Variants in TNC observed in about 807,000 individuals in gnomAD.
TNC encodes the protein tenascin.
In TNC, 109 loss-of-function variants were observed where a neutral mutation model predicts 202.4. The ratio of observed to expected loss-of-function variants is 0.54; its 90% CI spans 0.46 to 0.63. The LOEUF (loss-of-function observed/expected upper bound fraction) is 0.63, where lower values mean the gene tolerates loss of function less well. Among genes scored for constraint, TNC ranks in the 30% least tolerant of loss-of-function variants. TNC has a pLI of 0.00. For missense variants in TNC, 2,756 were observed against 2,833.3 expected (o/e 0.97, Z 0.62); for synonymous variants, 1,007 against 1,089.7 (o/e 0.92, Z 1.50).
chr9:115,040,831 A>G (rs1830673593), intron 19 of TNC, 110 bp downstream of exon 19: 1 of 1,373,930 alleles, frequency 7.3e-7, no homozygotes, highest in East Asian at 2.5e-5. Flanking sequence ...CTTTTTTTCC[A>G]GCTGCTGAGT....
At chr9:115,069,609 TCCC>T (rs1564466938) in intron 10 of TNC, among the ~76,000 whole-genome samples, 1,157 of 14,366 alleles carry the variant, frequency 0.081, 179 homozygotes, top group Non-Finnish European at 0.13. Context: ...CCTCCCTCCC[TCCC>T]TCCCTCTCTC....
chr9:115,023,401 C>A (rs1023572081), intron 27 of TNC, among the ~76,000 whole-genome samples: 1 of 152,000 alleles, frequency 6.6e-6, no homozygotes, highest in African/African-American at 2.4e-5. Context: ...TAAAAGGGAT[C>A]GAAAAAAATC....
At chr9:115,033,208 C>G (rs1830074115) in intron 22 of TNC, among the ~76,000 whole-genome samples, 1 of 152,128 alleles carries the variant, frequency 6.6e-6, no homozygotes, top group Admixed American at 6.6e-5. Context: ...CTCTTTTCTC[C>G]TATACCAGGT....
chr9:115,086,754 A>T lies in TNC; in HGVS notation c.977T>A (p.Ile326Asn), dbSNP rs767439318. ...TTCTTCGCAGTAGCAGGTGCCATTGATGCAGCGGCCCCGGTCGAAGCAGTC... is the reference window on the plus strand; with the variant it reads ...TTCTTCGCAGTAGCAGGTGCCATTGTTGCAGCGGCCCCGGTCGAAGCAGTC... Reference protein sequence around the residue: ...PNDCFDRGRCINGTCYCEEGF... With the variant: ...PNDCFDRGRCNNGTCYCEEGF... Residue 326 changes from isoleucine (I) to asparagine (N), a missense_variant, in exon 3 of 28, where the codon ATC (isoleucine) becomes AAC (asparagine). Ile to Asn is a moderately radical substitution (Grantham distance 149, BLOSUM62 -3). Around this residue, in one of 2 missense-constraint regions of TNC, gnomAD observed 2,559 missense variants for 2,546.0 expected, o/e 1.01. Coordinates refer to ENST00000350763, the MANE Select transcript of TNC (RefSeq NM_002160.4). 1 of 1,613,886 alleles carries T rather than the reference A, an allele frequency of 6.2e-7. No homozygotes were observed. The highest frequency in any genetic ancestry group is 8.5e-7 in the Non-Finnish European group (1 of 1,180,018).
At position 115,021,721 on chromosome 9, in the gene TNC, C is replaced by T. The variant is rs1306939490; in HGVS notation, c.6496-454G>A. Among the ~76,000 whole-genome samples the T allele has an allele frequency of 5.3e-5, 8 of 152,062 alleles. No homozygotes were observed. The East Asian group carries it at 5.8e-4, about 11-fold the overall frequency. On this transcript the variant is annotated intron_variant, in intron 27 of 27. Transcript: ENST00000350763. The stretch of plus-strand genomic sequence containing the variant: ...AGGGGTTTGGTATGGAATAGCAGAA[C>T]GAACAGCTCAACAAAACACAGTTTT...
chr9:115,035,522 G>T, intron 21 of TNC, 188 bp from the exon 22 acceptor site: 2 of 569,936 alleles, frequency 3.5e-6, no homozygotes, highest in Non-Finnish European at 6.0e-6. Context: ...ATTCTCTATG[G>T]TTTATCTCAT....
At chr9:115,103,435 T>C (rs1836385890) in intron 1 of TNC, among the ~76,000 whole-genome samples, 1 of 152,200 alleles carries the variant, frequency 6.6e-6, no homozygotes. Context: ...ATTACTTTTT[T>C]TTAAGTTCCC....
At chr9:115,106,427 G>A (rs2134178516) in intron 1 of TNC, among the ~76,000 whole-genome samples, 1 of 152,320 alleles carries the variant, frequency 6.6e-6, no homozygotes, top group East Asian at 1.9e-4. Context: ...CTATCAGAGA[G>A]AAACACAATA....
intron 10 of TNC, among the ~76,000 whole-genome samples, chr9:115,071,139 GCATGGTGATAGTATTT>G (rs2132958358): frequency 6.6e-6 from 1 of 152,276 alleles, no homozygotes; most frequent in African/African-American, 2.4e-5. Flanking sequence ...TTAGCACAGA[GCATGGTGATAGTATTT>G]TATTGACTGA....
chr9:115,030,608 T>A (rs1829874358), intron 23 of TNC, among the ~76,000 whole-genome samples: 1 of 152,210 alleles, frequency 6.6e-6, no homozygotes, highest in Non-Finnish European at 1.5e-5. Context: ...TCATAGCAGT[T>A]CTTTTTTCTG....
rs769735231 is a variant in TNC at position 115,026,613 on chromosome 9, A to T, written c.6252T>A (p.Phe2084Leu). Residue 2084 changes from phenylalanine to leucine, a missense_variant, in exon 26 of 28, where the codon TTT becomes TTA. By Grantham distance (22) the Phe-to-Leu change is conservative. Around this residue, in one of 2 missense-constraint regions of TNC, gnomAD observed 197 missense variants for 287.3 expected, o/e 0.69. Transcript: ENST00000350763. ...CCACGCTGAACTTGTCATAGACAGC[A>T]AAGGCTGTCTCCCCATGGTCCCGCA... is the stretch of plus-strand genomic sequence containing the variant. ...VDLRDHGETA[F>L]AVYDKFSVGD... The T allele has an allele frequency of 2.1e-5, 34 of 1,613,798 alleles. No homozygotes were observed.
intron 6 of TNC, 149 bp downstream of exon 6, chr9:115,081,623 G>T: frequency 1.1e-6 from 1 of 897,700 alleles, no homozygotes; most frequent in Non-Finnish European, 1.7e-6. Flanking sequence ...GCAAAGAATT[G>T]TTATTTTAAA....
rs62638694 is a variant in TNC at position 115,042,244 on chromosome 9, C to T, written c.5223G>A (p.Arg1741=). 1.1e-3 allele frequency: 1,791 copies of T among 1,614,154 alleles called. 5 individuals are homozygous for T. Among genetic ancestry groups the T allele is most frequent in the Middle Eastern group, 4.6e-3 (28 of 6,060 alleles). The change falls in exon 18 of 28, where the codon CGG becomes CGA. Residue 1741 remains arginine (R), a synonymous_variant. Coordinates refer to ENST00000350763, the MANE Select transcript of TNC (RefSeq NM_002160.4). ...CTCCTGTAATGGGCACATAGGTAAT[C>T]CGGAAGCTCTCCACTTGGGCTGTGG... ...RAPTAQVESF[R]ITYVPITGGT... is the part of the protein sequence containing the mutation.
In TNC at chr9:115,036,165, G is replaced by A; in HGVS notation, c.5589C>T (p.Tyr1863=). Residue 1863 remains tyrosine, a synonymous_variant, in exon 21 of 28, where the codon TAC becomes TAT. Transcript: ENST00000350763. ...CTTTCTCTGCAAAGATTCTCAGTGTGTATTCCGTGGCAGGCTCGAGGTCGG... is the reference window on the plus strand; with the variant it reads ...CTTTCTCTGCAAAGATTCTCAGTGTATATTCCGTGGCAGGCTCGAGGTCGG... ...ALTDLEPATE[Y]TLRIFAEKGP... is the part of the protein sequence containing the mutation. 2 of 1,614,156 alleles carry A rather than the reference G, an allele frequency of 1.2e-6. No homozygotes were observed. The highest frequency in any genetic ancestry group is 8.5e-7 in the Non-Finnish European group (1 of 1,180,024).
intron 17 of TNC, among the ~76,000 whole-genome samples, chr9:115,044,443 CTT>C (rs1332221225): frequency 1.3e-5 from 2 of 151,508 alleles, no homozygotes; most frequent in Non-Finnish European, 2.9e-5. Flanking sequence ...GGGCACCTCT[CTT>C]TGGCTATAAG....
intron 15 of TNC, chr9:115,055,347 T>G (rs1352850135): frequency 6.6e-6 from 1 of 152,600 alleles, no homozygotes; most frequent in East Asian, 1.9e-4. Context: ...AGCTTTGATT[T>G]GGATGGCTCT....
intron 20 of TNC, among the ~76,000 whole-genome samples, chr9:115,037,989 C>T (rs1284188996): frequency 6.6e-6 from 1 of 152,178 alleles, no homozygotes; most frequent in Non-Finnish European, 1.5e-5. Context: ...CGGGGTGTCT[C>T]ACACTGGTAG....
intron 17 of TNC, 47 bp downstream of exon 17, chr9:115,046,363 C>T: frequency 6.2e-7 from 1 of 1,600,850 alleles, no homozygotes; most frequent in Non-Finnish European, 8.5e-7. Context: ...AGAAGAAGAC[C>T]CCTGAGTCAT....
chr9:115,060,853 G>C (rs137952020), intron 13 of TNC, among the ~76,000 whole-genome samples: 28 of 152,226 alleles, frequency 1.8e-4, no homozygotes, highest in South Asian at 4.1e-4. Context: ...ATGTCTAAAG[G>C]AAGAATGGCT....
Sources: allele counts gnomAD v4.1 joint callset (sites outside exome capture counted in the v4.1 genomes callset), GRCh38; gene constraint gnomAD v4.1.1; regional missense constraint gnomAD v4.1.1; transcripts MANE v1.5; gene names NCBI Gene and HGNC (gene_info 2026-07-23, HGNC 2026-07-21).